USP53: variants seen among roughly 807,000 people sequenced by gnomAD.
USP53 encodes the protein ubiquitin specific peptidase 53.
In USP53, 71 loss-of-function variants were observed where a neutral mutation model predicts 94.9. That is an observed-to-expected ratio of 0.75 (90% CI 0.62 to 0.91). USP53 has a LOEUF of 0.91. USP53 is among the 40% of genes least tolerant of loss of function. USP53 has a pLI of 0.00. For missense variants in USP53, 1,173 were observed against 1,281.0 expected (o/e 0.92, Z 1.29); for synonymous variants, 375 against 422.7 (o/e 0.89, Z 1.39).
At chr4:119,271,196 TA>T (rs1302548620) in intron 15 of USP53, 99 bp from the exon 16 acceptor site, 1 of 1,477,316 alleles carries the variant, frequency 6.8e-7, no homozygotes, top group Non-Finnish European at 8.9e-7. Flanking sequence ...ACTATTTACC[TA>T]AAACTCTTTA....
chr4:119,246,091 G>A (rs1578464061), intron 6 of USP53, among the ~76,000 whole-genome samples: 3 of 152,202 alleles, frequency 2.0e-5, no homozygotes, highest in Admixed American at 2.0e-4. Flanking sequence ...GAGCAAGGAA[G>A]AGAGTGGTAG....
intron 17 of USP53, among the ~76,000 whole-genome samples, chr4:119,274,087 T>TA (rs1427060460): frequency 2.0e-5 from 3 of 149,694 alleles, no homozygotes; most frequent in Non-Finnish European, 4.5e-5. Context: ...TATTATTATT[T>TA]TTTATTTATT....
chr4:119,254,569 A>G (rs1432588957), intron 7 of USP53, among the ~76,000 whole-genome samples: 3 of 152,172 alleles, frequency 2.0e-5, no homozygotes, highest in Non-Finnish European at 2.9e-5. Context: ...TTTCAGCTCC[A>G]TCAGGTTATT....
Position 119,213,641 on chromosome 4 carries a change from G to GAT in USP53, c.-941-410_-941-409dup, listed in dbSNP as rs141285286. Among the ~76,000 whole-genome samples, 900 of 108,060 alleles carry GAT rather than the reference G, an allele frequency of 8.3e-3. 12 individuals are homozygous for GAT. Among genetic ancestry groups the GAT allele is most frequent in the Middle Eastern group, 0.014 (3 of 212 alleles). The allele number at this position is 108,060 out of a possible 152,430, so 70.9% of individuals were successfully genotyped here. A position where few individuals can be genotyped will look rare whatever the true frequency, so the allele number is the denominator to read the frequency against. On this transcript the variant is annotated intron_variant, in intron 1 of 18. Transcript: ENST00000692078. ...CCGAAAGTTTCCTTATCTGGAAATA[G>GAT]ATATATATATATATATATATGTGTG...
chr4:119,277,837 C>A (rs1243385068), intron 17 of USP53, among the ~76,000 whole-genome samples: 2 of 109,288 alleles, frequency 1.8e-5, no homozygotes, highest in African/African-American at 6.4e-5. Flanking sequence ...TTGAATTTAT[C>A]CCTTTACCAT....
chr4:119,226,394 A>G (rs1340402391), intron 3 of USP53, among the ~76,000 whole-genome samples: 1 of 152,244 alleles, frequency 6.6e-6, no homozygotes, highest in Middle Eastern at 3.2e-3. Context: ...TAAGAAATCT[A>G]TACAATAGCT....
chr4:119,256,710 A>G, intron 9 of USP53, among the ~76,000 whole-genome samples, 187 bp downstream of exon 9: 1 of 152,180 alleles, frequency 6.6e-6, no homozygotes, highest in African/African-American at 2.4e-5. Context: ...GGCCTAATAT[A>G]TGTGTTACTT....
At chr4:119,250,836 G>A (rs1407226546) in intron 7 of USP53, among the ~76,000 whole-genome samples, 1 of 151,944 alleles carries the variant, frequency 6.6e-6, no homozygotes, top group Non-Finnish European at 1.5e-5. Context: ...CCTGCATTAT[G>A]GTGTTAGTGT....
intron 4 of USP53, among the ~76,000 whole-genome samples, chr4:119,237,660 A>G (rs1746969146): frequency 1.3e-5 from 2 of 152,048 alleles, no homozygotes; most frequent in African/African-American, 4.8e-5. Flanking sequence ...CCATCTGTCA[A>G]TATCACTGTC....
At chr4:119,273,313 C>T (rs1272366412) in intron 16 of USP53, 2 of 106,760 alleles carry the variant, frequency 1.9e-5, no homozygotes, top group Admixed American at 1.1e-4. Flanking sequence ...AAGGTCCTGG[C>T]TCAAAAAAAA....
At chr4:119,288,177 T>G (rs1390349898) in intron 17 of USP53, among the ~76,000 whole-genome samples, 2 of 152,216 alleles carry the variant, frequency 1.3e-5, no homozygotes, top group Non-Finnish European at 2.9e-5. Flanking sequence ...GCACTAAAAC[T>G]GAAACTTTCA....
chr4:119,269,080 C>T (rs1332826498), intron 14 of USP53, among the ~76,000 whole-genome samples: 1 of 152,108 alleles, frequency 6.6e-6, no homozygotes, highest in Admixed American at 6.6e-5. Context: ...TAACAGTTAT[C>T]CACAAAAAAC....
At chr4:119,263,834 G>A (rs1054356429) in intron 12 of USP53, among the ~76,000 whole-genome samples, 17 of 152,128 alleles carry the variant, frequency 1.1e-4, no homozygotes, top group Admixed American at 4.6e-4. Context: ...CACTTTGGGA[G>A]GCCAAAGTGG....
Position 119,240,682 on chromosome 4 carries a change from AT to A in USP53, c.144+781del, listed in dbSNP as rs1282727046. Among the ~76,000 whole-genome samples the A allele has an allele frequency of 3.3e-5, 5 of 152,284 alleles. No individual in the cohort carries two copies. The East Asian group carries it at 7.7e-4, about 23-fold the overall frequency. ...CTTTTGAAAACTAATAGAGAAAAAT[AT>A]TGTGTTGATTAGCTCATCTGACAAA... On this transcript the variant is annotated intron_variant, in intron 5 of 18. Coordinates refer to ENST00000692078, the MANE Select transcript of USP53 (RefSeq NM_001371395.1).
intron 17 of USP53, among the ~76,000 whole-genome samples, chr4:119,287,204 A>T (rs1561352534): frequency 1.3e-5 from 2 of 148,338 alleles, no homozygotes; most frequent in Non-Finnish European, 3.0e-5. Context: ...TTCTGGGCAA[A>T]TTTTTTTTTT....
At chr4:119,223,350 A>G (rs1042828548) in intron 3 of USP53, among the ~76,000 whole-genome samples, 2 of 152,186 alleles carry the variant, frequency 1.3e-5, no homozygotes, top group Non-Finnish European at 2.9e-5. Context: ...CTACAGACGA[A>G]TCGTTAGCCA....
At position 119,293,212 on chromosome 4, in the gene USP53, AG is replaced by A. The variant is rs1396854154; in HGVS notation, c.*2del. The A allele has an allele frequency of 6.3e-6, 10 of 1,584,110 alleles. No individual in the cohort carries two copies. Among genetic ancestry groups the A allele is most frequent in the Non-Finnish European group, 8.5e-6 (10 of 1,172,470 alleles). On this transcript the variant is annotated 3_prime_UTR_variant, in exon 19 of 19. Coordinates refer to ENST00000692078, the MANE Select transcript of USP53 (RefSeq NM_001371395.1). ...CTTTTGTAATAATTCACTATCTTAGAGTGAAAAAGGACTAGACCTGTGTTAC... is the reference window on the plus strand; with the variant it reads ...CTTTTGTAATAATTCACTATCTTAGATGAAAAAGGACTAGACCTGTGTTAC...
chr4:119,251,090 T>G (rs1004513445), intron 7 of USP53, among the ~76,000 whole-genome samples: 1 of 148,630 alleles, frequency 6.7e-6, no homozygotes, highest in Non-Finnish European at 1.5e-5. Context: ...GTGTGTGATA[T>G]TCCCCTCCCT....
Position 119,261,789 on chromosome 4 carries a change from C to A in USP53, c.897C>A (p.Ser299Arg). 6.5e-7 allele frequency: 1 copy of A among 1,533,148 alleles called. No individual in the cohort carries two copies. The highest frequency in any genetic ancestry group is 8.9e-7 in the Non-Finnish European group (1 of 1,124,492). 95.0% of individuals were successfully genotyped at this position (1,533,148 alleles called of 1,614,324 possible). A position where few individuals can be genotyped will look rare whatever the true frequency, so the allele number is the denominator to read the frequency against. ...TTGTTGGTATGATCTGCTACACCAG[C>A]CAACATTATTGTGCCTTTGCATTTC... ...LNLVGMICYT[S>R]QHYCAFAFHT... Residue 299 changes from serine (S) to arginine (R), a missense_variant, in exon 12 of 19, where the codon AGC (serine) becomes AGA (arginine). Coordinates refer to ENST00000692078, the MANE Select transcript of USP53 (RefSeq NM_001371395.1).
Sources: gnomAD v4.1 joint callset for allele counts (sites outside exome capture counted in the v4.1 genomes callset) on GRCh38, gnomAD v4.1.1 for gene constraint, MANE v1.5 for transcripts, NCBI Gene and HGNC (gene_info 2026-07-23, HGNC 2026-07-21) for gene names.